Variants in RYR3 observed in about 807,000 individuals in gnomAD.
The protein encoded by RYR3 is brain ryanodine receptor-calcium release channel.
In RYR3, 207 loss-of-function variants were observed where a neutral mutation model predicts 584.3. The ratio of observed to expected loss-of-function variants is 0.35; its 90% CI spans 0.32 to 0.40. The LOEUF is 0.40. Ranked by LOEUF, RYR3 falls within the 10% of genes least tolerant of loss-of-function variation. The pLI is 1.00. For missense variants in RYR3, 5,616 were observed against 6,089.2 expected (o/e 0.92, Z 2.59); for synonymous variants, 2,416 against 2,248.5 (o/e 1.07, Z -2.11).
intron 8 of RYR3, among the ~76,000 whole-genome samples, chr15:33,547,745 G>T (rs190394239): frequency 1.5e-4 from 23 of 152,316 alleles, no homozygotes; most frequent in African/African-American, 5.5e-4. Context: ...ATTTTTTAAA[G>T]ATATAATAAA....
chr15:33,777,587 C>G (rs1162223853), intron 64 of RYR3, among the ~76,000 whole-genome samples: 1 of 152,016 alleles, frequency 6.6e-6, no homozygotes, highest in Admixed American at 6.6e-5. Flanking sequence ...AGAAAATGCC[C>G]TGTTGTGGAG....
chr15:33,601,080 G>T (rs115480818), intron 16 of RYR3, among the ~76,000 whole-genome samples: 5 of 152,094 alleles, frequency 3.3e-5, no homozygotes, highest in Non-Finnish European at 5.9e-5. Flanking sequence ...GGCCTAGCTA[G>T]GATATTGTCT....
At chr15:33,774,482 T>C (rs960426147) in intron 64 of RYR3, among the ~76,000 whole-genome samples, 5 of 152,246 alleles carry the variant, frequency 3.3e-5, no homozygotes, top group Admixed American at 2.6e-4. Flanking sequence ...CCTCGTCTCA[T>C]GTCAGAACTT....
chr15:33,440,782 T>G (rs2141867533), intron 1 of RYR3, among the ~76,000 whole-genome samples: 1 of 152,332 alleles, frequency 6.6e-6, no homozygotes, highest in African/African-American at 2.4e-5. Context: ...GCAGACGAGC[T>G]TGATATATGT....
chr15:33,394,107 G>A (rs2042162362), intron 1 of RYR3, among the ~76,000 whole-genome samples: 1 of 152,154 alleles, frequency 6.6e-6, no homozygotes, highest in Non-Finnish European at 1.5e-5. Flanking sequence ...CCATTCTCTT[G>A]TGACCCTGGG....
At chr15:33,464,507 T>TACATATAAAC (rs1567296111) in intron 1 of RYR3, among the ~76,000 whole-genome samples, 1 of 121,060 alleles carries the variant, frequency 8.3e-6, no homozygotes, top group Non-Finnish European at 1.8e-5. Context: ...TATATATACA[T>TACATATAAAC]ACACATACAC....
intron 10 of RYR3, among the ~76,000 whole-genome samples, chr15:33,550,656 C>T (rs939239283): frequency 7.9e-5 from 12 of 152,112 alleles, no homozygotes; most frequent in African/African-American, 2.9e-4. Flanking sequence ...AAGTTATATT[C>T]TTCACTCCTT....
intron 3 of RYR3, among the ~76,000 whole-genome samples, chr15:33,523,922 C>G (rs1567444523): frequency 6.6e-6 from 1 of 152,100 alleles, no homozygotes; most frequent in Non-Finnish European, 1.5e-5. Flanking sequence ...TAAAGAAAGA[C>G]TCTGGAGTCA....
At chr15:33,542,497 C>T (rs1424609180) in intron 7 of RYR3, among the ~76,000 whole-genome samples, 2 of 151,972 alleles carry the variant, frequency 1.3e-5, no homozygotes, top group Non-Finnish European at 2.9e-5. Context: ...CTCAGATTAG[C>T]AGTACAAAAA....
At chr15:33,645,154 G>A (rs74005921) in intron 28 of RYR3, among the ~76,000 whole-genome samples, 67 of 152,272 alleles carry the variant, frequency 4.4e-4, no homozygotes, top group African/African-American at 1.6e-3. Context: ...GTGTTGCCAG[G>A]ATTTTAAGCT....
chr15:33,320,151 T>C (rs762098431), intron 1 of RYR3, among the ~76,000 whole-genome samples: 7 of 152,194 alleles, frequency 4.6e-5, no homozygotes, highest in Non-Finnish European at 7.4e-5. Flanking sequence ...CTCCCTAGAA[T>C]GCATGAATAT....
chr15:33,379,683 C>CTATA (rs1216681475), intron 1 of RYR3, among the ~76,000 whole-genome samples: 222 of 116,922 alleles, frequency 1.9e-3, no homozygotes, highest in Middle Eastern at 4.5e-3. Flanking sequence ...CTCTCTCTCT[C>CTATA]TCTCTATATA....
chr15:33,664,142 C>T (rs1272501351), intron 36 of RYR3, among the ~76,000 whole-genome samples: 2 of 152,134 alleles, frequency 1.3e-5, no homozygotes, highest in African/African-American at 2.4e-5. Context: ...CCTGCCCCTA[C>T]TTATGAGAGT....
intron 35 of RYR3, 53 bp from the exon 36 acceptor site, chr15:33,663,484 A>G: frequency 1.3e-6 from 2 of 1,513,080 alleles, no homozygotes; most frequent in Non-Finnish European, 1.8e-6. Flanking sequence ...TGGGCATGCT[A>G]GCAGCCTCAC....
At chr15:33,519,800 C>T (rs973873374) in intron 3 of RYR3, among the ~76,000 whole-genome samples, 20 of 152,086 alleles carry the variant, frequency 1.3e-4, no homozygotes, top group African/African-American at 4.8e-4. Flanking sequence ...TTAGGAGCAT[C>T]CGTTCTGTCT....
chr15:33,718,557 G>A (rs907834364), intron 43 of RYR3, among the ~76,000 whole-genome samples: 1 of 152,102 alleles, frequency 6.6e-6, no homozygotes, highest in Non-Finnish European at 1.5e-5. Context: ...CCTCCTGAAG[G>A]ATGAAATGGA....
intron 57 of RYR3, among the ~76,000 whole-genome samples, chr15:33,752,747 G>T (rs1406485745): frequency 6.6e-6 from 1 of 152,088 alleles, no homozygotes; most frequent in Non-Finnish European, 1.5e-5. Flanking sequence ...GATTGCCCTG[G>T]CCAGAACGTC....
rs534066569 is a variant in RYR3 at position 33,601,514 on chromosome 15, C to A, written c.1884C>A (p.Asn628Lys). 3.7e-6 allele frequency: 6 copies of A among 1,613,786 alleles called. No homozygotes were observed. The highest frequency in any genetic ancestry group is 1.1e-5 in the South Asian group (1 of 91,030). ...LICDNLLPRR[N>K]LLLQTRLIND... Reference sequence around the variant, plus strand: ...GTGACAACTTGCTGCCCCGGAGAAACCTACTCCTGCAGACACGACTGATTA... The same window carrying A: ...GTGACAACTTGCTGCCCCGGAGAAAACTACTCCTGCAGACACGACTGATTA... The change falls in exon 17 of 104, where the codon AAC (asparagine) becomes AAA (lysine). Residue 628 changes from asparagine (N) to lysine (K), a missense_variant. This residue lies in a region of RYR3 where 1,284 missense variants were observed against 1,344.6 expected (regional missense o/e 0.95). Coordinates refer to ENST00000634891, the MANE Select transcript of RYR3 (RefSeq NM_001036.6).
chr15:33,841,376 A>T (rs2078353365), intron 90 of RYR3, among the ~76,000 whole-genome samples: 1 of 152,232 alleles, frequency 6.6e-6, no homozygotes, highest in Non-Finnish European at 1.5e-5. Flanking sequence ...TAAATACCTT[A>T]TATTTATCAT....
Sources: allele counts gnomAD v4.1 joint callset (sites outside exome capture counted in the v4.1 genomes callset), GRCh38; gene constraint gnomAD v4.1.1; regional missense constraint gnomAD v4.1.1; transcripts MANE v1.5; gene names NCBI Gene and HGNC (gene_info 2026-07-23, HGNC 2026-07-21).